KCNH6: variants seen among roughly 807,000 people sequenced by gnomAD.
The protein encoded by KCNH6 is voltage-gated inwardly rectifying potassium channel KCNH6.
KCNH6 carries 81 observed loss-of-function variants against 83.4 expected under a neutral mutation model. The observed-to-expected ratio is 0.97, with a 90% CI of 0.81 to 1.17. KCNH6 has a LOEUF of 1.17. Ranked by LOEUF, KCNH6 falls within the 50% of genes most tolerant of loss-of-function variation. The probability of loss-of-function intolerance (pLI) is 0.00; values close to 1 mark genes in which losing one functional copy is unlikely to be tolerated. For synonymous variants in KCNH6, 503 were observed against 545.6 expected (o/e 0.92, Z 1.09); for missense variants, 1,203 against 1,290.5 (o/e 0.93, Z 1.04).
Position 63,534,318 on chromosome 17 carries a change from A to G in KCNH6, c.1101+7A>G. ...CCGCACTGGCTCCGATGAGGTGAGC[A>G]GACCCCCTCCAGGCCAGCAGCCATG... is the stretch of plus-strand genomic sequence containing the variant. On this transcript the variant is annotated splice_region_variant and intron_variant, in intron 5 of 12. Transcript: ENST00000314672. The surrounding 1 kb of genome is among the most constrained non-coding windows in gnomAD (Gnocchi z 5.0). 6.2e-7 allele frequency: 1 copy of G among 1,603,690 alleles called. No individual in the cohort carries two copies. The highest frequency in any genetic ancestry group is 8.5e-7 in the Non-Finnish European group (1 of 1,174,186).
chr17:63,533,745 T>G lies in KCNH6; in HGVS notation c.676-141T>G. 8 of 632,882 alleles carry G rather than the reference T, an allele frequency of 1.3e-5. No individual in the cohort carries two copies. Among genetic ancestry groups the G allele is most frequent in the East Asian group, 8.7e-5 (3 of 34,626 alleles). 39.2% of individuals were successfully genotyped at this position (632,882 alleles called of 1,614,324 possible). A position where few individuals can be genotyped will look rare whatever the true frequency, so the allele number is the denominator to read the frequency against. On this transcript the variant is annotated intron_variant, in intron 4 of 12. Coordinates refer to ENST00000314672, the MANE Select transcript of KCNH6 (RefSeq NM_001278919.2). This position sits in a 1 kb window ranked among gnomAD's most constrained non-coding sequence, Gnocchi z 4.1. ...GCCTTCTCAGACACCCCCCACCCCA[T>G]CTCTCCCTCATCCCCTCTGCCCACC...
rs537952104 is a variant in KCNH6, at chr17:63,524,244, A to C, written c.182A>C (p.Gln61Pro). 276 of 1,614,124 alleles carry C rather than the reference A, an allele frequency of 1.7e-4. 2 individuals are homozygous for C. The South Asian group carries it at 2.8e-3, about 16-fold the overall frequency. ...LFGYSRVEVM[Q>P]QPCTCDFLTG... ...GGCTACTCCCGAGTGGAGGTGATGC[A>C]GCAACCCTGCACCTGCGACTTCCTC... The change falls in exon 2 of 13, where the codon CAG (glutamine) becomes CCG (proline). Residue 61 changes from glutamine to proline, a missense_variant. Transcript: ENST00000314672.
chr17:63,536,020 A>G lies in KCNH6; in HGVS notation c.1453A>G (p.Asn485Asp). ...TSVGFGNVSP[N>D]TNSEKVFSIC... is the part of the protein sequence containing the mutation. ...CGTGGGCTTCGGCAATGTCTCGCCC[A>G]ACACCAACTCCGAGAAGGTCTTCTC... is the stretch of plus-strand genomic sequence containing the variant. Residue 485 changes from asparagine to aspartate, a missense_variant, in exon 6 of 13, where the codon AAC (asparagine) becomes GAC (aspartate). Asn to Asp is a conservative substitution (Grantham distance 23). Coordinates refer to ENST00000314672, the MANE Select transcript of KCNH6 (RefSeq NM_001278919.2). 1 of 1,613,774 alleles carries G rather than the reference A, an allele frequency of 6.2e-7. No individual in the cohort carries two copies. Among genetic ancestry groups the G allele is most frequent in the Non-Finnish European group, 8.5e-7 (1 of 1,180,030 alleles).
Position 63,524,377 on chromosome 17 carries a change from A to G in KCNH6, c.307+8A>G. On this transcript the variant is annotated splice_region_variant and intron_variant, in intron 2 of 12. Coordinates refer to ENST00000314672, the MANE Select transcript of KCNH6 (RefSeq NM_001278919.2). ...TCTACTACCGCAAGGATGGTGAGGC[A>G]TACTCAGGCCAGAGGCTTTGCAGGG... The G allele has an allele frequency of 6.2e-7, 1 of 1,610,448 alleles. No homozygotes were observed. Among genetic ancestry groups the G allele is most frequent in the Non-Finnish European group, 8.5e-7 (1 of 1,177,398 alleles).
Sources: gnomAD v4.1 joint callset for allele counts on GRCh38, gnomAD v4.1.1 for gene constraint, Gnocchi (gnomAD v3.1) non-coding constraint, MANE v1.5 for transcripts, NCBI Gene and HGNC (gene_info 2026-07-23, HGNC 2026-07-21) for gene names.